Variants in PLEKHG1 observed in about 807,000 individuals in gnomAD.
PLEKHG1 encodes pleckstrin homology domain-containing family G member 1.
In PLEKHG1, 44 loss-of-function variants were observed where a neutral mutation model predicts 100.8. The ratio of observed to expected loss-of-function variants is 0.44; its 90% CI spans 0.34 to 0.56. PLEKHG1 has a LOEUF of 0.56. Among genes scored for constraint, PLEKHG1 ranks in the 20% least tolerant of loss-of-function variants. The pLI is 0.01. For synonymous variants in PLEKHG1, 640 were observed against 662.5 expected (o/e 0.97, Z 0.52); for missense variants, 1,545 against 1,720.9 (o/e 0.90, Z 1.81).
intron 10 of PLEKHG1, among the ~76,000 whole-genome samples, chr6:150,816,575 C>T (rs1027999837): frequency 6.6e-6 from 1 of 152,006 alleles, no homozygotes; most frequent in Admixed American, 6.5e-5. Context: ...CTGCCCGCCT[C>T]AGCCTCTCAA....
At chr6:150,601,446 C>G (rs1486955343) in intron 1 of PLEKHG1, among the ~76,000 whole-genome samples, 1 of 152,110 alleles carries the variant, frequency 6.6e-6, no homozygotes, top group Admixed American at 6.5e-5. Flanking sequence ...CTGCTCATTC[C>G]TCATCCCCCT....
intron 4 of PLEKHG1, 127 bp downstream of exon 5, chr6:150,786,586 CTTTG>C (rs892675925): frequency 4.3e-5 from 28 of 644,552 alleles, no homozygotes; most frequent in Non-Finnish European, 6.9e-5. Context: ...TCTCTGGTTT[CTTTG>C]TTTGAGTAGC....
chr6:150,734,031 T>C (rs1172097606), exon 2 of PLEKHG1: 1 of 1,613,788 alleles, frequency 6.2e-7, no homozygotes, highest in African/African-American at 1.3e-5. Flanking sequence ...GTGGATAGAG[T>C]TGTTCAGGAA....
chr6:150,779,598 G>A (rs371635581), intron 3 of PLEKHG1, among the ~76,000 whole-genome samples: 1 of 151,446 alleles, frequency 6.6e-6, no homozygotes, highest in East Asian at 2.0e-4. Flanking sequence ...CGCCCGCCTC[G>A]GCCTCCTAAA....
rs1180240879 is a variant in PLEKHG1, at chr6:150,804,068, G to GT, written c.781-531dup. Among the ~76,000 whole-genome samples the GT allele has an allele frequency of 6.6e-3, 673 of 102,416 alleles. 4 individuals carry two copies. Among genetic ancestry groups the GT allele is most frequent in the African/African-American group, 0.023 (621 of 27,168 alleles). 67.2% of individuals were successfully genotyped at this position (102,416 alleles called of 152,430 possible). A position where few individuals can be genotyped will look rare whatever the true frequency, so the allele number is the denominator to read the frequency against. ...TTCCACTTTTATCTTTCCTATCCTT[G>GT]TTTTTTTTTTTCCCCTTGTCTTACC... On this transcript the variant is annotated intron_variant, in intron 6 of 15. Coordinates refer to ENST00000358517, the Ensembl canonical transcript of PLEKHG1.
At chr6:150,748,315 A>T (rs6940590) in intron 2 of PLEKHG1, among the ~76,000 whole-genome samples, 2,224 of 152,282 alleles carry the variant, frequency 0.015, 61 homozygotes, top group African/African-American at 0.051. Flanking sequence ...CTCCAATGGC[A>T]TGGGATTTTC....
intron 3 of PLEKHG1, among the ~76,000 whole-genome samples, chr6:150,665,553 C>T (rs958193977): frequency 2.6e-5 from 4 of 152,002 alleles, no homozygotes; most frequent in African/African-American, 9.7e-5. Flanking sequence ...TCGCTTGAAC[C>T]CAGGAGGCGG....
intron 5 of PLEKHG1, among the ~76,000 whole-genome samples, chr6:150,797,365 TG>T (rs1786406357): frequency 6.6e-6 from 1 of 152,082 alleles, no homozygotes; most frequent in African/African-American, 2.4e-5. Context: ...AAAGCCAGTG[TG>T]GATTAAAAGA....
At chr6:150,787,337 C>T (rs926467104) in intron 4 of PLEKHG1, among the ~76,000 whole-genome samples, 1 of 152,216 alleles carries the variant, frequency 6.6e-6, no homozygotes, top group Non-Finnish European at 1.5e-5. Flanking sequence ...TGAGCTCGTG[C>T]TCCGAAGTGG....
At chr6:150,640,945 C>T (rs2128567941) in intron 2 of PLEKHG1, among the ~76,000 whole-genome samples, 1 of 152,186 alleles carries the variant, frequency 6.6e-6, no homozygotes, top group Admixed American at 6.5e-5. Context: ...AATTTTATGG[C>T]AGGAGTACTA....
chr6:150,740,073 A>G (rs1782769377), intron 2 of PLEKHG1, among the ~76,000 whole-genome samples: 1 of 152,220 alleles, frequency 6.6e-6, no homozygotes, highest in African/African-American at 2.4e-5. Flanking sequence ...AAAGAAGGAA[A>G]TCCAGGATTC....
intron 3 of PLEKHG1, among the ~76,000 whole-genome samples, chr6:150,713,654 C>T (rs1255571713): frequency 2.0e-5 from 3 of 152,254 alleles, no homozygotes; most frequent in East Asian, 3.9e-4. Context: ...TTCCTGTTTG[C>T]TCCCAGAAGC....
chr6:150,730,181 G>A lies in PLEKHG1; in HGVS notation c.-98-3403G>A, dbSNP rs1055749983. Among the ~76,000 whole-genome samples the A allele has an allele frequency of 9.2e-5, 14 of 152,056 alleles. 1 individual carries two copies. The highest frequency in any genetic ancestry group is 3.1e-4 in the African/African-American group (13 of 41,370). ...ATTCTGGAGAGATAGATTCTTCTCC[G>A]GTTACAAAATCAGAACTTGCCCTAG... On this transcript the variant is annotated intron_variant, in intron 1 of 15. Coordinates refer to ENST00000358517, the Ensembl canonical transcript of PLEKHG1.
chr6:150,773,964 A>C (rs1252258318), intron 3 of PLEKHG1, among the ~76,000 whole-genome samples: 1 of 151,960 alleles, frequency 6.6e-6, no homozygotes, highest in Admixed American at 6.6e-5. Context: ...ACAGCTTTTG[A>C]TGTTATTTGG....
chr6:150,818,179 T>C lies in PLEKHG1; in HGVS notation c.1279-4T>C, dbSNP rs770261674. ...GAATTACAGCTCTACTTTCTCTCTT[T>C]CAGGCCAAGCAAGCAATCCTTGAAA... On this transcript the variant is annotated splice_region_variant and splice_polypyrimidine_tract_variant and intron_variant, in intron 10 of 15. Transcript: ENST00000358517. 37 of 1,609,704 alleles carry C rather than the reference T, an allele frequency of 2.3e-5. No homozygotes were observed. Among genetic ancestry groups the C allele is most frequent in the Non-Finnish European group, 2.9e-5 (34 of 1,176,800 alleles).
intron 1 of PLEKHG1, among the ~76,000 whole-genome samples, chr6:150,729,727 G>C (rs918739206): frequency 5.9e-5 from 9 of 152,100 alleles, no homozygotes; most frequent in African/African-American, 1.9e-4. Context: ...TAAATGCTAC[G>C]GACACCAAAC....
chr6:150,754,791 C>G (rs1271658748), intron 2 of PLEKHG1, among the ~76,000 whole-genome samples: 1 of 151,818 alleles, frequency 6.6e-6, no homozygotes, highest in Non-Finnish European at 1.5e-5. Context: ...GCCTCAGCCT[C>G]CAATGTAGCT....
At chr6:150,691,519 T>A (rs1043189625) in intron 3 of PLEKHG1, among the ~76,000 whole-genome samples, 3 of 152,218 alleles carry the variant, frequency 2.0e-5, no homozygotes, top group Non-Finnish European at 4.4e-5. Context: ...CAGACTACCA[T>A]TGGCCTAAAT....
rs1044045699 is a variant in PLEKHG1 at position 150,778,971 on chromosome 6, T to G, written c.513-7419T>G. On this transcript the variant is annotated intron_variant, in intron 3 of 15. Coordinates refer to ENST00000358517, the Ensembl canonical transcript of PLEKHG1. Reference sequence around the variant, plus strand: ...GTGGAGTCTGGCCCTCAGCTTTGAGTGGAACAGCAAACAAATCTTTCAATA... The same window carrying G: ...GTGGAGTCTGGCCCTCAGCTTTGAGGGGAACAGCAAACAAATCTTTCAATA... 4.6e-5 allele frequency among the ~76,000 whole-genome samples: 7 copies of G among 152,206 alleles called. No individual in the cohort carries two copies. In the East Asian group the frequency reaches 1.2e-3, roughly 25 times the overall value.
Sources: allele counts gnomAD v4.1 joint callset (sites outside exome capture counted in the v4.1 genomes callset), GRCh38; gene constraint gnomAD v4.1.1; transcripts MANE v1.5; gene names NCBI Gene and HGNC (gene_info 2026-07-23, HGNC 2026-07-21).